YAE1: variants seen among roughly 807,000 people sequenced by gnomAD.
YAE1 encodes the protein YAE1 maturation factor of ABCE1.
In YAE1, 22 loss-of-function variants were observed where a neutral mutation model predicts 23.0. That is an observed-to-expected ratio of 0.96 (90% CI 0.68 to 1.37). The LOEUF is 1.37. YAE1 is among the 40% of genes most tolerant of loss of function. YAE1 has a pLI of 0.00. For missense variants in YAE1, 260 were observed against 262.1 expected (o/e 0.99, Z 0.06); for synonymous variants, 101 against 97.0 (o/e 1.04, Z -0.24).
chr7:39,575,577 A>AGAGAGAGAGAGAGAGTGTGT (rs1173016799), downstream of YAE1, among the ~76,000 whole-genome samples: 397 of 80,240 alleles, frequency 4.9e-3, 3 homozygotes, highest in East Asian at 0.019. Context: ...AGAGAGAGAG[A>AGAGAGAGAGAGAGAGTGTGT]GTGAGTGTGT....
chr7:39,587,708 G>T (rs1347451369), intron 2 of YAE1, among the ~76,000 whole-genome samples: 1 of 152,104 alleles, frequency 6.6e-6, no homozygotes, highest in Non-Finnish European at 1.5e-5. Context: ...TACATATTTT[G>T]CTGTGGAGTA....
intron 2 of YAE1, among the ~76,000 whole-genome samples, chr7:39,584,513 C>T (rs1790785613): frequency 7.7e-6 from 1 of 130,112 alleles, no homozygotes; most frequent in Non-Finnish European, 1.5e-5. Context: ...GTATTTTTTC[C>T]CTTATCCTAA....
intron 1 of YAE1, among the ~76,000 whole-genome samples, chr7:39,568,185 C>CTGACCT (rs1229973525): frequency 1.3e-5 from 2 of 151,964 alleles, no homozygotes; most frequent in Non-Finnish European, 2.9e-5. Context: ...TTGCAGTGAG[C>CTGACCT]TGAGGTCATG....
At chr7:39,609,710 C>T (rs1791180814) in exon 3 of YAE1, 3 of 1,535,514 alleles carry the variant, frequency 2.0e-6, no homozygotes, top group Admixed American at 2.0e-5. Context: ...TCCCGGTCCC[C>T]GGCCACATGG....
At chr7:39,566,782 A>G (rs1181057290) in intron 1 of YAE1, 3 of 461,960 alleles carry the variant, frequency 6.5e-6, no homozygotes, top group East Asian at 4.4e-5. Context: ...GGACCGACCA[A>G]AATTAACTAT....
chr7:39,569,904 A>G (rs761738135), intron 1 of YAE1: 44 of 1,170,568 alleles, frequency 3.8e-5, no homozygotes, highest in Non-Finnish European at 5.0e-5. Flanking sequence ...AGTAGGAAGA[A>G]CAGTTATTGT....
downstream of YAE1, among the ~76,000 whole-genome samples, chr7:39,573,356 A>G (rs987676405): frequency 6.6e-6 from 1 of 152,246 alleles, no homozygotes; most frequent in Non-Finnish European, 1.5e-5. Context: ...CTAAGTAGTA[A>G]GGAGTTAGTA....
chr7:39,591,650 T>TTG (rs1562594484), intron 2 of YAE1, among the ~76,000 whole-genome samples: 20 of 151,322 alleles, frequency 1.3e-4, no homozygotes, highest in African/African-American at 4.7e-4. Context: ...TTGGTACATA[T>TTG]GTTACAATTA....
rs1360647768 is a variant in YAE1, at chr7:39,609,850, A to G, written c.485A>G (p.His162Arg). ...GCCCCAGGCCCTGGGACGCCGAGCCACCGCCGGCGTTTCAGACGCAAACCC... is the reference window on the plus strand; with the variant it reads ...GCCCCAGGCCCTGGGACGCCGAGCCGCCGCCGGCGTTTCAGACGCAAACCC... Residue 162 changes from histidine to arginine, a missense_variant, in exon 3 of 3, where the codon CAC becomes CGC. His to Arg is a conservative substitution (Grantham distance 29). Transcript: ENST00000432096. 1.4e-5 allele frequency: 21 copies of G among 1,533,128 alleles called. No individual in the cohort carries two copies. The Admixed American group carries it at 4.1e-4, about 30-fold the overall frequency. 95.0% of individuals were successfully genotyped at this position (1,533,128 alleles called of 1,614,324 possible). A position where few individuals can be genotyped will look rare whatever the true frequency, so the allele number is the denominator to read the frequency against.
intron 2 of YAE1, among the ~76,000 whole-genome samples, chr7:39,591,073 G>A (rs1015986528): frequency 2.6e-5 from 4 of 152,154 alleles, no homozygotes; most frequent in South Asian, 2.1e-4. Context: ...ACTTACAGAC[G>A]GCTGCCTTCT....
intron 2 of YAE1, among the ~76,000 whole-genome samples, chr7:39,582,443 A>C (rs1171816216): frequency 6.6e-6 from 1 of 152,224 alleles, no homozygotes; most frequent in East Asian, 1.9e-4. Flanking sequence ...AACTCATTTA[A>C]TTCATTTGTA....
chr7:39,599,064 A>G (rs916190749), intron 2 of YAE1, among the ~76,000 whole-genome samples: 7 of 151,780 alleles, frequency 4.6e-5, no homozygotes, highest in African/African-American at 1.7e-4. Flanking sequence ...ACATGGTGAA[A>G]CCCCGTCTCT....
At chr7:39,580,157 ATAT>A (rs1191860012) in intron 2 of YAE1, among the ~76,000 whole-genome samples, 2 of 152,250 alleles carry the variant, frequency 1.3e-5, no homozygotes, top group African/African-American at 2.4e-5. Context: ...CGAGGGGAGA[ATAT>A]TATGTAGAAA....
chr7:39,593,362 T>C (rs1431979746), intron 2 of YAE1, among the ~76,000 whole-genome samples: 1 of 151,794 alleles, frequency 6.6e-6, no homozygotes, highest in Non-Finnish European at 1.5e-5. Flanking sequence ...TTGTTGTATT[T>C]TTAGTAGAGA....
chr7:39,607,629 C>A (rs761184923), intron 2 of YAE1, among the ~76,000 whole-genome samples: 3 of 152,166 alleles, frequency 2.0e-5, no homozygotes, highest in Non-Finnish European at 2.9e-5. Flanking sequence ...TAATTGATCA[C>A]GGCAGCAATA....
chr7:39,570,001 C>G, intron 1 of YAE1: 1 of 1,355,608 alleles, frequency 7.4e-7, no homozygotes, highest in Non-Finnish European at 1.1e-6. Context: ...CAAAACTTTC[C>G]CATTCCGGTT....
intron 2 of YAE1, chr7:39,609,497 A>T: frequency 7.4e-7 from 1 of 1,356,762 alleles, no homozygotes; most frequent in Non-Finnish European, 9.9e-7. Context: ...AACAGAGACA[A>T]ATCTTCGTTA....
rs1790593894 is a variant in YAE1 at position 39,572,743 on chromosome 7, A to G, written c.*37A>G. ...CTTTTCTAATGAAAATAATGTTCAGAACATTTGGTTTCCTAACAATCGAAA... is the reference window on the plus strand; with the variant it reads ...CTTTTCTAATGAAAATAATGTTCAGGACATTTGGTTTCCTAACAATCGAAA... On this transcript the variant is annotated 3_prime_UTR_variant, in exon 3 of 3. Transcript: ENST00000223273. 6 of 1,529,718 alleles carry G rather than the reference A, an allele frequency of 3.9e-6. No individual in the cohort carries two copies. Among genetic ancestry groups the G allele is most frequent in the East Asian group, 4.5e-5 (2 of 44,286 alleles). The allele number at this position is 1,529,718 out of a possible 1,614,324, so 94.8% of individuals were successfully genotyped here.
intron 2 of YAE1, among the ~76,000 whole-genome samples, chr7:39,601,497 C>A (rs905214643): frequency 1.1e-4 from 16 of 152,100 alleles, no homozygotes; most frequent in African/African-American, 3.9e-4. Context: ...CGGTGGTTCA[C>A]GCCTGTAATC....
Sources: gnomAD v4.1 joint callset for allele counts (sites outside exome capture counted in the v4.1 genomes callset) on GRCh38, gnomAD v4.1.1 for gene constraint, MANE v1.5 for transcripts, NCBI Gene and HGNC (gene_info 2026-07-23, HGNC 2026-07-21) for gene names.